Variants in NSMCE2 observed in about 807,000 individuals in gnomAD.
The protein encoded by NSMCE2 is NSE2 SUMO ligase component of SMC5/6 complex, also known as E3 SUMO-protein ligase NSE2.
In NSMCE2, 24 loss-of-function variants were observed where a neutral mutation model predicts 23.8. The ratio of observed to expected loss-of-function variants is 1.01; its 90% CI spans 0.73 to 1.42. NSMCE2 has a LOEUF of 1.42. Among genes scored for constraint, NSMCE2 ranks in the 40% most tolerant of loss-of-function variants. The pLI is 0.00. For synonymous variants in NSMCE2, 92 were observed against 94.1 expected (o/e 0.98, Z 0.13); for missense variants, 284 against 296.5 (o/e 0.96, Z 0.31).
At chr8:125,104,066 C>T (rs1818333924) in intron 3 of NSMCE2, among the ~76,000 whole-genome samples, 1 of 151,158 alleles carries the variant, frequency 6.6e-6, no homozygotes. Flanking sequence ...TCTCGGCTCA[C>T]TGCAACCTCC....
intron 3 of NSMCE2, among the ~76,000 whole-genome samples, chr8:125,138,048 T>C (rs1046977170): frequency 6.6e-6 from 1 of 152,228 alleles, no homozygotes; most frequent in Non-Finnish European, 1.5e-5. Flanking sequence ...TTAGATAAGA[T>C]TGAAATTCAG....
chr8:125,163,934 A>G (rs1340346342), intron 4 of NSMCE2, among the ~76,000 whole-genome samples: 8 of 152,264 alleles, frequency 5.3e-5, no homozygotes, highest in Admixed American at 4.6e-4. Flanking sequence ...AAAGCTGTTA[A>G]CAAAGCCCAC....
chr8:125,189,469 C>G (rs1823250107), intron 5 of NSMCE2, among the ~76,000 whole-genome samples: 1 of 152,182 alleles, frequency 6.6e-6, no homozygotes. Context: ...TCCAGACATG[C>G]CTAAATAAGC....
At chr8:125,332,104 G>A (rs1164821414) in intron 5 of NSMCE2, among the ~76,000 whole-genome samples, 2 of 152,192 alleles carry the variant, frequency 1.3e-5, no homozygotes, top group African/African-American at 2.4e-5. Context: ...CAAGCAAATC[G>A]ACATCAAGAA....
intron 5 of NSMCE2, among the ~76,000 whole-genome samples, chr8:125,305,006 GGAAA>G (rs377402385): frequency 6.6e-5 from 10 of 151,410 alleles, no homozygotes; most frequent in African/African-American, 1.2e-4. Flanking sequence ...AAGGAAGGAA[GGAAA>G]GAAAGAAGGA....
intron 3 of NSMCE2, among the ~76,000 whole-genome samples, chr8:125,107,884 A>C (rs1442985509): frequency 6.6e-6 from 1 of 152,058 alleles, no homozygotes; most frequent in Non-Finnish European, 1.5e-5. Context: ...ACATACAAAA[A>C]TTAGCCAGGC....
intron 1 of NSMCE2, among the ~76,000 whole-genome samples, chr8:125,098,550 T>C (rs867622459): frequency 7.9e-5 from 12 of 152,232 alleles, no homozygotes; most frequent in South Asian, 2.1e-4. Flanking sequence ...GGTAGGAGAC[T>C]GTTGGAGTAA....
chr8:125,245,732 A>T (rs1208444239), intron 5 of NSMCE2, among the ~76,000 whole-genome samples: 1 of 152,174 alleles, frequency 6.6e-6, no homozygotes, highest in African/African-American at 2.4e-5. Flanking sequence ...AAACAAAATT[A>T]AGATCAAAAG....
intron 3 of NSMCE2, among the ~76,000 whole-genome samples, chr8:125,109,910 A>G (rs1186675299): frequency 6.6e-6 from 1 of 152,122 alleles, no homozygotes; most frequent in African/African-American, 2.4e-5. Flanking sequence ...AATTTGTTAC[A>G]TTAGGAGATT....
chr8:125,303,235 A>T (rs1460293870), intron 5 of NSMCE2, among the ~76,000 whole-genome samples: 1 of 152,148 alleles, frequency 6.6e-6, no homozygotes, highest in Non-Finnish European at 1.5e-5. Context: ...GCCTGTGGGA[A>T]CTGTCAGACT....
At chr8:125,237,157 C>T (rs1356027380) in intron 5 of NSMCE2, among the ~76,000 whole-genome samples, 1 of 152,182 alleles carries the variant, frequency 6.6e-6, no homozygotes, top group Non-Finnish European at 1.5e-5. Context: ...TGGTGCCCCT[C>T]TTGATCCCAG....
chr8:125,343,536 A>T (rs1000439091), intron 5 of NSMCE2, among the ~76,000 whole-genome samples: 4 of 151,554 alleles, frequency 2.6e-5, no homozygotes, highest in African/African-American at 7.3e-5. Flanking sequence ...CTACTCGGGG[A>T]GCTGAGGTAG....
chr8:125,274,010 C>T (rs1373244487), intron 5 of NSMCE2, among the ~76,000 whole-genome samples: 2 of 152,160 alleles, frequency 1.3e-5, no homozygotes, highest in African/African-American at 4.8e-5. Context: ...TGTTTAGCAC[C>T]TCTTTTTGCA....
At chr8:125,196,203 CTTTTTTTTTTT>C (rs59684072) in intron 5 of NSMCE2, among the ~76,000 whole-genome samples, 5 of 134,008 alleles carry the variant, frequency 3.7e-5, no homozygotes, top group Non-Finnish European at 3.3e-5. Flanking sequence ...TTTTTTTTTT[CTTTTTTTTTTT>C]TTTTATACTT....
At chr8:125,134,127 A>C (rs1298969768) in intron 3 of NSMCE2, among the ~76,000 whole-genome samples, 1 of 152,242 alleles carries the variant, frequency 6.6e-6, no homozygotes, top group African/African-American at 2.4e-5. Context: ...TGAGGGGATT[A>C]TACATTAAAA....
At chr8:125,115,964 TTGA>T (rs1444101624) in intron 3 of NSMCE2, among the ~76,000 whole-genome samples, 11 of 152,322 alleles carry the variant, frequency 7.2e-5, no homozygotes, top group Admixed American at 1.3e-4. Context: ...ATTAGGCTCA[TTGA>T]ATTGAAACAA....
At chr8:125,125,751 A>G (rs1016369361) in intron 3 of NSMCE2, among the ~76,000 whole-genome samples, 1 of 152,218 alleles carries the variant, frequency 6.6e-6, no homozygotes, top group South Asian at 2.1e-4. Context: ...ATGTTGGCAG[A>G]AGGTGAGAGC....
chr8:125,140,999 A>G (rs937926359), intron 3 of NSMCE2, among the ~76,000 whole-genome samples: 2 of 152,188 alleles, frequency 1.3e-5, no homozygotes, highest in African/African-American at 4.8e-5. Context: ...TAGGTAGCCA[A>G]AGGGGGTCTG....
At chr8:125,341,911 A>G in intron 5 of NSMCE2, among the ~76,000 whole-genome samples, 1 of 151,664 alleles carries the variant, frequency 6.6e-6, no homozygotes, top group Non-Finnish European at 1.5e-5. Context: ...AAAAAAAAAA[A>G]AAAAAAAAAA....
Sources: allele counts gnomAD v4.1 joint callset (sites outside exome capture counted in the v4.1 genomes callset), GRCh38; gene constraint gnomAD v4.1.1; transcripts MANE v1.5; gene names NCBI Gene and HGNC (gene_info 2026-07-23, HGNC 2026-07-21).